The following TRPS1 variants were observed in gnomAD, a reference collection of about 807,000 sequenced individuals.
The protein encoded by TRPS1 is zinc finger transcription factor Trps1.
Under a neutral mutation model 101.2 loss-of-function variants are expected in TRPS1, and 6 were observed. That is an observed-to-expected ratio of 0.06 (90% CI 0.03 to 0.12). The LOEUF (loss-of-function observed/expected upper bound fraction) is 0.12. Ranked by LOEUF, TRPS1 falls within the 10% of genes least tolerant of loss-of-function variation. The pLI, the probability that TRPS1 is intolerant of heterozygous loss-of-function variation, is 1.00. For missense variants in TRPS1, 1,363 were observed against 1,567.0 expected, an observed-to-expected ratio of 0.87 and a Z score of 2.20; for synonymous variants, 578 against 589.8, an observed-to-expected ratio of 0.98 and a Z score of 0.29.
intron 5 of TRPS1, among the ~76,000 whole-genome samples, chr8:115,543,886 C>T (rs942501321): frequency 1.3e-5 from 2 of 151,912 alleles, no homozygotes; most frequent in South Asian, 2.1e-4. Context: ...ACAACACGTT[C>T]GATGCTCATG....
chr8:115,469,187 A>G (rs1346418614), intron 5 of TRPS1, among the ~76,000 whole-genome samples: 1 of 152,142 alleles, frequency 6.6e-6, no homozygotes. Context: ...TGCTGAACCA[A>G]ACAAAACTCC....
At chr8:115,424,636 A>G (rs1343558462) in intron 5 of TRPS1, among the ~76,000 whole-genome samples, 3 of 152,248 alleles carry the variant, frequency 2.0e-5, no homozygotes, top group Non-Finnish European at 2.9e-5. Context: ...TTGCCCATTC[A>G]TAAATCTCAT....
At chr8:115,445,673 T>A (rs1813714981) in intron 5 of TRPS1, among the ~76,000 whole-genome samples, 2 of 152,168 alleles carry the variant, frequency 1.3e-5, no homozygotes, top group South Asian at 4.1e-4. Flanking sequence ...TATATAAATT[T>A]AAGAAAAACA....
intron 5 of TRPS1, among the ~76,000 whole-genome samples, chr8:115,573,396 CT>C (rs1288632323): frequency 1.3e-5 from 2 of 152,136 alleles, no homozygotes; most frequent in East Asian, 3.9e-4. Flanking sequence ...TATTATTTGT[CT>C]CCTTTCAGTC....
chr8:115,461,314 T>TACAC lies in TRPS1; in HGVS notation c.2701-42863_2701-42862insGTGT, dbSNP rs1306083835. Among the ~76,000 whole-genome samples, 390 of 151,734 alleles carry TACAC rather than the reference T, an allele frequency of 2.6e-3. 1 individual carries two copies. The highest frequency in any genetic ancestry group is 9.1e-3 in the African/African-American group (378 of 41,346). On this transcript the variant is annotated intron_variant, in intron 5 of 6. Transcript: ENST00000395715. ...ATAGATAGATAGACAGATACATACA[T>TACAC]ACATACATACATACATACATACATA...
In TRPS1 at chr8:115,601,801, T is replaced by C. The variant is rs555348944; in HGVS notation, c.2096+2072A>G. ...GAAATCTCAGCTTATTCATAACTACTGTGAAGTCAAAAACTCACAGGGATC... is the reference window on the plus strand; with the variant it reads ...GAAATCTCAGCTTATTCATAACTACCGTGAAGTCAAAAACTCACAGGGATC... On this transcript the variant is annotated intron_variant, in intron 4 of 6. Transcript: ENST00000395715. Among the ~76,000 whole-genome samples, 4 of 152,292 alleles carry C rather than the reference T, an allele frequency of 2.6e-5. No homozygotes were observed. The South Asian group carries it at 6.2e-4, about 24-fold the overall frequency.
intron 5 of TRPS1, among the ~76,000 whole-genome samples, chr8:115,472,418 G>T (rs1279870676): frequency 6.6e-6 from 1 of 152,178 alleles, no homozygotes; most frequent in South Asian, 2.1e-4. Context: ...GCAAGGCCCT[G>T]GGTCCAGCCC....
chr8:115,551,311 A>G (rs1816698802), intron 5 of TRPS1, among the ~76,000 whole-genome samples: 1 of 152,202 alleles, frequency 6.6e-6, no homozygotes, highest in Non-Finnish European at 1.5e-5. Context: ...TTTAGGATTG[A>G]GTTTCTGTAT....
At chr8:115,608,872 G>C (rs545400688) in intron 3 of TRPS1, among the ~76,000 whole-genome samples, 3 of 147,768 alleles carry the variant, frequency 2.0e-5, no homozygotes, top group Admixed American at 2.0e-4. Context: ...TAGAGGCAGG[G>C]TCTCAGTCTG....
intron 5 of TRPS1, among the ~76,000 whole-genome samples, chr8:115,441,641 T>C (rs531941921): frequency 3.3e-5 from 5 of 152,114 alleles, no homozygotes; most frequent in African/African-American, 1.2e-4. Flanking sequence ...CATTTTGTAA[T>C]ATATTTGCCT....
rs3808413 is a variant in TRPS1, at chr8:115,454,199, T to C, written c.2701-35747A>G. ...CTCACAGTATGTCTTGTTGGGGCCA[T>C]CAGTGTCCTCCATGCTGGCTATTCA... On this transcript the variant is annotated intron_variant, in intron 5 of 6. Coordinates refer to ENST00000395715, the MANE Select transcript of TRPS1 (RefSeq NM_014112.5). Among the ~76,000 whole-genome samples, 355 of 152,320 alleles carry C rather than the reference T, an allele frequency of 2.3e-3. 11 individuals are homozygous for C. The East Asian group carries it at 0.059, about 25-fold the overall frequency.
At position 115,604,235 on chromosome 8, in the gene TRPS1, T is replaced by C. The variant is rs893599152; in HGVS notation, c.1734A>G (p.Pro578=). 1 of 1,613,956 alleles carries C rather than the reference T, an allele frequency of 6.2e-7. No individual in the cohort carries two copies. The highest frequency in any genetic ancestry group is 8.5e-7 in the Non-Finnish European group (1 of 1,180,000). Residue 578 remains proline, a synonymous_variant, in exon 4 of 7, where the codon CCA becomes CCG. Transcript: ENST00000395715. The surrounding 1 kb of genome is among the most constrained non-coding windows in gnomAD (Gnocchi z 4.1). The part of the protein sequence containing the change: ...NIHKCTIKHC[P]FCPRGLCSPE... ...GGCTGCAAAGTCCTCTGGGACAGAA[T>C]GGACAGTGTTTAATGGTACACTTGT... is the stretch of plus-strand genomic sequence containing the variant.
intron 5 of TRPS1, chr8:115,511,229 A>C (rs1815575033): frequency 6.6e-6 from 1 of 151,854 alleles, no homozygotes; most frequent in Non-Finnish European, 1.5e-5. Flanking sequence ...GATGTCTATA[A>C]ATTTTCTACA....
intron 5 of TRPS1, among the ~76,000 whole-genome samples, chr8:115,545,054 G>A (rs1219480487): frequency 6.6e-6 from 1 of 152,068 alleles, no homozygotes; most frequent in Non-Finnish European, 1.5e-5. Context: ...TGTATTTTTA[G>A]TATCTTCCAA....
intron 5 of TRPS1, among the ~76,000 whole-genome samples, chr8:115,570,179 A>G (rs1817167108): frequency 6.6e-6 from 1 of 152,068 alleles, no homozygotes; most frequent in Non-Finnish European, 1.5e-5. Flanking sequence ...TGTTATACGA[A>G]CCCTAAATTG....
chr8:115,495,083 A>G (rs1255218401), intron 5 of TRPS1, among the ~76,000 whole-genome samples: 1 of 152,186 alleles, frequency 6.6e-6, no homozygotes, highest in East Asian at 1.9e-4. Flanking sequence ...GATTTCCATC[A>G]TTCCCTCTAG....
rs112005731 is a variant in TRPS1, at chr8:115,638,327, G to A, written c.-121-14569C>T. Reference sequence around the variant, plus strand: ...TGTAAAGTCAGGGTACTTTTCCACAGAGGTTAGTAATCTTTGTGTCCATTC... The same window carrying A: ...TGTAAAGTCAGGGTACTTTTCCACAAAGGTTAGTAATCTTTGTGTCCATTC... On this transcript the variant is annotated intron_variant, in intron 1 of 6. Transcript: ENST00000395715. Among the ~76,000 whole-genome samples the A allele has an allele frequency of 9.2e-5, 14 of 152,324 alleles. 1 individual carries two copies. Among genetic ancestry groups the A allele is most frequent in the African/African-American group, 3.4e-4 (14 of 41,580 alleles).
chr8:115,639,530 C>G (rs921662268), intron 1 of TRPS1, among the ~76,000 whole-genome samples: 1 of 152,008 alleles, frequency 6.6e-6, no homozygotes, highest in Admixed American at 6.6e-5. Context: ...ACTAAAAATA[C>G]AGTATAAATC....
intron 5 of TRPS1, among the ~76,000 whole-genome samples, chr8:115,464,861 G>T (rs1397863941): frequency 2.0e-5 from 3 of 151,990 alleles, no homozygotes; most frequent in African/African-American, 7.2e-5. Flanking sequence ...ATATAATGAA[G>T]CTTGTCAGAT....
Sources: gnomAD v4.1 joint callset for allele counts (sites outside exome capture counted in the v4.1 genomes callset) on GRCh38, gnomAD v4.1.1 for gene constraint, Gnocchi (gnomAD v3.1) non-coding constraint, MANE v1.5 for transcripts, NCBI Gene and HGNC (gene_info 2026-07-23, HGNC 2026-07-21) for gene names.